The following SEMA5A variants were observed in gnomAD, a reference collection of about 807,000 sequenced individuals.
The protein encoded by SEMA5A is semaphorin 5A.
Under a neutral mutation model 135.5 loss-of-function variants are expected in SEMA5A, and 55 were observed. The ratio of observed to expected loss-of-function variants is 0.41; its 90% CI spans 0.33 to 0.51. The LOEUF is 0.51. Among genes scored for constraint, SEMA5A ranks in the 20% least tolerant of loss-of-function variants. SEMA5A has a pLI of 0.37. For missense variants in SEMA5A, 1,290 were observed against 1,419.9 expected, an observed-to-expected ratio of 0.91 and a Z score of 1.47; for synonymous variants, 580 against 546.5, an observed-to-expected ratio of 1.06 and a Z score of -0.85.
chr5:9,190,932 G>C (rs907325099), intron 10 of SEMA5A, among the ~76,000 whole-genome samples: 13 of 152,150 alleles, frequency 8.5e-5, no homozygotes, highest in African/African-American at 3.1e-4. Context: ...GCAAGGCATG[G>C]ATTTCAAGCT....
intron 9 of SEMA5A, among the ~76,000 whole-genome samples, chr5:9,197,738 G>GTGTGTTTGTGTGTT (rs1231810241): frequency 2.2e-5 from 2 of 90,004 alleles, no homozygotes; most frequent in African/African-American, 7.7e-5. Flanking sequence ...TTGTGTGTGT[G>GTGTGTTTGTGTGTT]TGTGTGTGTG....
intron 1 of SEMA5A, among the ~76,000 whole-genome samples, chr5:9,493,535 A>G (rs1411431893): frequency 6.6e-6 from 1 of 152,146 alleles, no homozygotes; most frequent in Non-Finnish European, 1.5e-5. Context: ...TTCTGTTTAT[A>G]AAACAGAATT....
At chr5:9,295,689 CA>C (rs973379189) in intron 5 of SEMA5A, among the ~76,000 whole-genome samples, 12 of 151,996 alleles carry the variant, frequency 7.9e-5, no homozygotes, top group African/African-American at 2.7e-4. Context: ...TTTCCTCATG[CA>C]AAATCAGGAT....
At chr5:9,223,815 G>C (rs16882242) in intron 8 of SEMA5A, among the ~76,000 whole-genome samples, 3,746 of 152,286 alleles carry the variant, frequency 0.025, 165 homozygotes, top group African/African-American at 0.086. Context: ...ACAGAGGGCT[G>C]CATTTCAGCT....
chr5:9,058,650 C>G (rs965445326), intron 18 of SEMA5A, among the ~76,000 whole-genome samples: 1 of 152,128 alleles, frequency 6.6e-6, no homozygotes, highest in Non-Finnish European at 1.5e-5. Context: ...TGGCAGTAAC[C>G]AATGTACAAT....
chr5:9,142,931 G>A (rs1742144565), intron 12 of SEMA5A, among the ~76,000 whole-genome samples: 1 of 151,730 alleles, frequency 6.6e-6, no homozygotes, highest in South Asian at 2.1e-4. Flanking sequence ...CAGCCTGGGT[G>A]ACAGAGTGAG....
chr5:9,161,237 A>AGT (rs1434579319), intron 11 of SEMA5A, among the ~76,000 whole-genome samples: 1 of 152,112 alleles, frequency 6.6e-6, no homozygotes, highest in Non-Finnish European at 1.5e-5. Context: ...ATGGGAACGC[A>AGT]GTGACCTGAA....
chr5:9,285,689 G>T (rs1750763035), intron 5 of SEMA5A, among the ~76,000 whole-genome samples: 1 of 152,168 alleles, frequency 6.6e-6, no homozygotes, highest in Non-Finnish European at 1.5e-5. Context: ...AGGCAAAGGT[G>T]CCTTTTGAAG....
At chr5:9,139,159 T>C (rs1741926785) in intron 12 of SEMA5A, among the ~76,000 whole-genome samples, 1 of 152,208 alleles carries the variant, frequency 6.6e-6, no homozygotes, top group Admixed American at 6.5e-5. Flanking sequence ...TTTTAGTTCT[T>C]TAAGGAATCG....
At chr5:9,342,531 A>G (rs186116869) in intron 3 of SEMA5A, among the ~76,000 whole-genome samples, 140 of 152,336 alleles carry the variant, frequency 9.2e-4, no homozygotes, top group African/African-American at 3.2e-3. Context: ...AGGTGGGGCC[A>G]GGGGACGGTG....
chr5:9,140,450 A>G (rs2150228746), intron 12 of SEMA5A, among the ~76,000 whole-genome samples: 1 of 152,332 alleles, frequency 6.6e-6, no homozygotes, highest in East Asian at 1.9e-4. Flanking sequence ...GTTGTTCTGT[A>G]GAAAAATGCC....
At chr5:9,278,310 A>G (rs1750369851) in intron 5 of SEMA5A, among the ~76,000 whole-genome samples, 1 of 152,188 alleles carries the variant, frequency 6.6e-6, no homozygotes. Context: ...ATTTCTAAGC[A>G]GCAAAGCATT....
chr5:9,222,967 T>C (rs1365813291), intron 8 of SEMA5A, among the ~76,000 whole-genome samples: 1 of 152,226 alleles, frequency 6.6e-6, no homozygotes, highest in Non-Finnish European at 1.5e-5. Flanking sequence ...AAATGCTAAT[T>C]ACAAAGCTTT....
rs1806007 is a variant in SEMA5A, at chr5:9,237,893, G to A, written c.271-3C>T. 5.7e-3 allele frequency: 9,190 copies of A among 1,613,198 alleles called. 416 individuals are homozygous for A. The Admixed American group carries it at 0.081, about 14-fold the overall frequency. On this transcript the variant is annotated splice_polypyrimidine_tract_variant and splice_region_variant and intron_variant, in intron 5 of 22. Transcript: ENST00000382496. The stretch of plus-strand genomic sequence containing the variant: ...TCATCACACTCCCATTCCACAGCCT[G>A]TAGAAAACACCAAAACAATAGCAGT...
At chr5:9,221,469 A>AAT (rs1746976109) in intron 8 of SEMA5A, among the ~76,000 whole-genome samples, 1 of 149,096 alleles carries the variant, frequency 6.7e-6, no homozygotes, top group Non-Finnish European at 1.5e-5. Flanking sequence ...CGCCCGGCTA[A>AAT]TTTTTTCTAT....
chr5:9,285,633 T>G (rs1182675680), intron 5 of SEMA5A, among the ~76,000 whole-genome samples: 1 of 152,246 alleles, frequency 6.6e-6, no homozygotes, highest in Non-Finnish European at 1.5e-5. Context: ...CAACATCTGT[T>G]TCTAGATGCT....
chr5:9,119,032 C>T lies in SEMA5A; in HGVS notation c.1891G>A (p.Gly631Ser), dbSNP rs1353651126. The change falls in exon 15 of 23, where the codon GGC (glycine) becomes AGC (serine). Residue 631 changes from glycine (G) to serine (S), a missense_variant. Gly to Ser is a moderately conservative substitution (Grantham distance 56). This residue lies in a region of SEMA5A where 1,029 missense variants were observed against 1,086.6 expected (regional missense o/e 0.95). Transcript: ENST00000382496. ...CGGTTCTGTCCCACGCACACCCGGC[C>T]CCCGTGCCTGGGAGTGGGGTTGCTG... ...SCSNPTPRHG[G>S]RVCVGQNREE... 1.2e-6 allele frequency: 2 copies of T among 1,613,526 alleles called. No homozygotes were observed.
intron 12 of SEMA5A, among the ~76,000 whole-genome samples, chr5:9,139,146 T>C (rs1425767835): frequency 6.6e-6 from 1 of 152,228 alleles, no homozygotes; most frequent in African/African-American, 2.4e-5. Context: ...ATGGTGGTTC[T>C]ACTTTTAGTT....
chr5:9,500,779 C>T (rs983450356), intron 1 of SEMA5A, among the ~76,000 whole-genome samples: 6 of 152,144 alleles, frequency 3.9e-5, no homozygotes, highest in African/African-American at 7.2e-5. Flanking sequence ...TGCCTGGCTG[C>T]GGTCCACATT....
Sources: allele counts gnomAD v4.1 joint callset (sites outside exome capture counted in the v4.1 genomes callset), GRCh38; gene constraint gnomAD v4.1.1; regional missense constraint gnomAD v4.1.1; transcripts MANE v1.5; gene names NCBI Gene and HGNC (gene_info 2026-07-23, HGNC 2026-07-21).